SH3BP4: variants seen among roughly 807,000 people sequenced by gnomAD.
SH3BP4 encodes the protein SH3 domain binding protein 4, also known as SH3 domain-binding protein 4.
Under a neutral mutation model 65.5 loss-of-function variants are expected in SH3BP4, and 33 were observed. The observed-to-expected ratio is 0.50, with a 90% CI of 0.38 to 0.67. The LOEUF is 0.67. Ranked by LOEUF, SH3BP4 falls within the 30% of genes least tolerant of loss-of-function variation. The pLI is 0.00. For synonymous variants in SH3BP4, 552 were observed against 545.5 expected, an observed-to-expected ratio of 1.01 and a Z score of -0.17; for missense variants, 1,134 against 1,261.4, an observed-to-expected ratio of 0.90 and a Z score of 1.53.
At chr2:234,988,437 C>T (rs1193604943) in intron 1 of SH3BP4, among the ~76,000 whole-genome samples, 1 of 152,168 alleles carries the variant, frequency 6.6e-6, no homozygotes, top group Non-Finnish European at 1.5e-5. Context: ...GGGAGCTGCC[C>T]TTGTCTCACC....
At chr2:235,010,068 C>G (rs904331388) in intron 2 of SH3BP4, among the ~76,000 whole-genome samples, 2 of 148,554 alleles carry the variant, frequency 1.3e-5, no homozygotes, top group Non-Finnish European at 3.0e-5. Context: ...GTCCCATCCC[C>G]GGGATCCCCC....
rs1020563733 is a variant in SH3BP4 at position 235,045,563 on chromosome 2, C to T, written c.2478+2316C>T. 2.0e-4 allele frequency among the ~76,000 whole-genome samples: 31 copies of T among 152,038 alleles called. No individual in the cohort carries two copies. The highest frequency in any genetic ancestry group is 7.2e-4 in the African/African-American group (30 of 41,384). The stretch of plus-strand genomic sequence containing the variant: ...CCTTGGCCAGGTCGGCTCCCTGAGG[C>T]AAGGTTAGATTTTGTGGTGATAAAG... On this transcript the variant is annotated intron_variant, in intron 4 of 5. Coordinates refer to ENST00000392011, the MANE Select transcript of SH3BP4 (RefSeq NM_014521.3). This position sits in a 1 kb window ranked among gnomAD's most constrained non-coding sequence, Gnocchi z 4.3.
intron 2 of SH3BP4, among the ~76,000 whole-genome samples, chr2:235,004,973 A>G (rs1694247353): frequency 1.3e-5 from 2 of 152,186 alleles, no homozygotes; most frequent in African/African-American, 2.4e-5. Context: ...CCCAGGAGGT[A>G]GGGCTTGGTA....
intron 2 of SH3BP4, among the ~76,000 whole-genome samples, chr2:235,016,182 A>G (rs796235779): frequency 1.8e-4 from 28 of 151,924 alleles, no homozygotes; most frequent in African/African-American, 6.3e-4. Context: ...TAAGGTGGCC[A>G]CTGCACTGGG....
intron 1 of SH3BP4, among the ~76,000 whole-genome samples, chr2:234,964,480 G>A (rs989227026): frequency 1.6e-4 from 24 of 152,106 alleles, no homozygotes; most frequent in Non-Finnish European, 2.6e-4. Flanking sequence ...GCCCAGCAGG[G>A]GAGAAGGGGC....
intron 4 of SH3BP4, among the ~76,000 whole-genome samples, chr2:235,043,980 G>A (rs1203724545): frequency 6.6e-6 from 1 of 152,242 alleles, no homozygotes; most frequent in African/African-American, 2.4e-5. Flanking sequence ...ACCAGATGCG[G>A]GTGGGGGCAG....
At chr2:235,009,019 G>A (rs1694391386) in intron 2 of SH3BP4, among the ~76,000 whole-genome samples, 1 of 152,320 alleles carries the variant, frequency 6.6e-6, no homozygotes, top group Middle Eastern at 3.4e-3. Flanking sequence ...TGTTCTCTGG[G>A]ATTGTCTAGA....
At position 235,034,995 on chromosome 2, in the gene SH3BP4, G is replaced by A. The variant is rs369348350; in HGVS notation, c.-8G>A. On this transcript the variant is annotated 5_prime_UTR_variant, in exon 3 of 6. Transcript: ENST00000392011. This position sits in a 1 kb window ranked among gnomAD's most constrained non-coding sequence, Gnocchi z 6.2. ...CTTAGCGGCTTTACCCGGGAAGCGA[G>A]TTTCGAGATGGCGGCTCAGCGGATC... 1 of 1,612,942 alleles carries A rather than the reference G, an allele frequency of 6.2e-7. No individual in the cohort carries two copies. Among genetic ancestry groups the A allele is most frequent in the Non-Finnish European group, 8.5e-7 (1 of 1,179,096 alleles).
chr2:234,970,000 C>G (rs964441440), intron 1 of SH3BP4, among the ~76,000 whole-genome samples: 2 of 151,298 alleles, frequency 1.3e-5, no homozygotes, highest in Non-Finnish European at 2.9e-5. Context: ...TACACACACT[C>G]GCTGTCTCAC....
At chr2:235,023,870 G>C (rs532196829) in intron 2 of SH3BP4, among the ~76,000 whole-genome samples, 9 of 152,120 alleles carry the variant, frequency 5.9e-5, no homozygotes, top group Non-Finnish European at 1.0e-4. Flanking sequence ...TGGAGATTCG[G>C]TGCCCTCAAG....
chr2:234,953,139 G>A (rs1336534308), intron 1 of SH3BP4: 2 of 152,272 alleles, frequency 1.3e-5, no homozygotes, highest in Admixed American at 6.5e-5. Context: ...TTAGTAGGCA[G>A]ATTGGAACTA....
At position 235,052,650 on chromosome 2, in the gene SH3BP4, G is replaced by T; in HGVS notation, c.2567G>T (p.Arg856Leu). The T allele has an allele frequency of 6.3e-7, 1 of 1,586,514 alleles. No homozygotes were observed. The change falls in exon 5 of 6, where the codon CGC becomes CTC. Residue 856 changes from arginine (R) to leucine (L), a missense_variant. By Grantham distance (102) the Arg-to-Leu change is moderately radical. Coordinates refer to ENST00000392011, the MANE Select transcript of SH3BP4 (RefSeq NM_014521.3). The surrounding 1 kb of genome is among the most constrained non-coding windows in gnomAD (Gnocchi z 5.0). Reference protein sequence around the residue: ...LLTTAVEVAQRWRELAEKLAK... With the variant: ...LLTTAVEVAQLWRELAEKLAK... ...ACCACGGCTGTAGAGGTGGCCCAGC[G>T]CTGGCGGGAGCTGGCTGAGAAGCTG...
At chr2:234,994,945 C>T (rs1693865426) in intron 1 of SH3BP4, 1 of 152,292 alleles carries the variant, frequency 6.6e-6, no homozygotes, top group African/African-American at 2.4e-5. Flanking sequence ...CCGAGTCACC[C>T]TGATTCAGGA....
At chr2:235,032,600 C>T (rs1293610368) in intron 2 of SH3BP4, among the ~76,000 whole-genome samples, 1 of 152,180 alleles carries the variant, frequency 6.6e-6, no homozygotes, top group East Asian at 1.9e-4. Context: ...TGCCGGGCTG[C>T]CTGGCTGTGG....
At chr2:235,017,488 A>T (rs1025550226) in intron 2 of SH3BP4, among the ~76,000 whole-genome samples, 5 of 152,004 alleles carry the variant, frequency 3.3e-5, no homozygotes, top group African/African-American at 1.2e-4. Flanking sequence ...AGCCATATTA[A>T]TGGCTGCTTG....
At position 235,026,717 on chromosome 2, in the gene SH3BP4, C is replaced by T. The variant is rs1008156339; in HGVS notation, c.-132-8154C>T. Among the ~76,000 whole-genome samples the T allele has an allele frequency of 2.0e-5, 3 of 152,128 alleles. No individual in the cohort carries two copies. The highest frequency in any genetic ancestry group is 4.8e-5 in the African/African-American group (2 of 41,442). Reference sequence around the variant, plus strand: ...AGACTGGAACGTGTGGTCCTGCCCTCGTTCCTCATTTTTTCACCCTGTGGC... The same window carrying T: ...AGACTGGAACGTGTGGTCCTGCCCTTGTTCCTCATTTTTTCACCCTGTGGC... On this transcript the variant is annotated intron_variant, in intron 2 of 5. Transcript: ENST00000392011. This position sits in a 1 kb window ranked among gnomAD's most constrained non-coding sequence, Gnocchi z 4.6.
Position 235,055,298 on chromosome 2 carries a change from A to G in SH3BP4, c.*1482A>G, listed in dbSNP as rs1042905338. Reference sequence around the variant, plus strand: ...ACATGTTACTTCCTTAGTATAATCAATGTATACTCCCTTACTGGCCTGAAA... The same window carrying G: ...ACATGTTACTTCCTTAGTATAATCAGTGTATACTCCCTTACTGGCCTGAAA... On this transcript the variant is annotated 3_prime_UTR_variant, in exon 6 of 6. Transcript: ENST00000392011. The G allele has an allele frequency of 2.0e-5, 3 of 152,622 alleles. No homozygotes were observed. The East Asian group carries it at 5.8e-4, about 29-fold the overall frequency. 9.5% of individuals were successfully genotyped at this position (152,622 alleles called of 1,614,324 possible).
intron 1 of SH3BP4, chr2:234,953,283 A>T (rs1692517620): frequency 6.6e-6 from 1 of 152,206 alleles, no homozygotes; most frequent in Non-Finnish European, 1.5e-5. Flanking sequence ...CCAATCCCAC[A>T]TTTTTTACCA....
chr2:235,000,766 C>T (rs1694072998), intron 2 of SH3BP4, among the ~76,000 whole-genome samples: 1 of 152,216 alleles, frequency 6.6e-6, no homozygotes, highest in Non-Finnish European at 1.5e-5. Context: ...ACATAAAGGC[C>T]AGGGACTTGT....
Sources: allele counts gnomAD v4.1 joint callset (sites outside exome capture counted in the v4.1 genomes callset), GRCh38; gene constraint gnomAD v4.1.1; non-coding constraint Gnocchi (gnomAD v3.1); transcripts MANE v1.5; gene names NCBI Gene and HGNC (gene_info 2026-07-23, HGNC 2026-07-21).